Variants in FGF13 observed in about 807,000 individuals in gnomAD.
FGF13 encodes the protein fibroblast growth factor homologous factor 2.
FGF13 carries 2 observed loss-of-function variants against 19.5 expected under a neutral mutation model. The ratio of observed to expected loss-of-function variants is 0.10; its 90% CI spans 0.04 to 0.32. FGF13 has a LOEUF of 0.32. Ranked by LOEUF, FGF13 falls within the 10% of genes least tolerant of loss-of-function variation. The pLI, the probability that FGF13 is intolerant of heterozygous loss-of-function variation, is 1.00. For missense variants in FGF13, 113 were observed against 192.7 expected, an observed-to-expected ratio of 0.59 and a Z score of 2.45; for synonymous variants, 72 against 76.9, an observed-to-expected ratio of 0.94 and a Z score of 0.33.
intron 1 of FGF13, among the ~76,000 whole-genome samples, chrX:139,167,485 T>C (rs913485625): frequency 2.7e-5 from 3 of 111,940 alleles, no homozygotes; most frequent in Non-Finnish European, 3.8e-5. Context: ...ATATTAATGT[T>C]GGCAACATCT....
At chrX:139,044,348 A>G (rs1383847301) in intron 1 of FGF13, among the ~76,000 whole-genome samples, 1 of 111,147 alleles carries the variant, frequency 9.0e-6, no homozygotes, top group Non-Finnish European at 1.9e-5. Context: ...CACATGGCAA[A>G]AGCAGGAGCA....
intron 1 of FGF13, among the ~76,000 whole-genome samples, chrX:139,074,977 C>A (rs958552584): frequency 1.3e-5 from 1 of 74,416 alleles, no homozygotes; most frequent in Non-Finnish European, 3.1e-5. Flanking sequence ...ATGTGAAGCT[C>A]CATCAGTGAA....
chrX:139,122,692 T>C (rs764207775), intron 1 of FGF13, among the ~76,000 whole-genome samples: 26 of 111,481 alleles, frequency 2.3e-4, no homozygotes, highest in Non-Finnish European at 4.7e-4. Context: ...ATTACTCCCA[T>C]CCAAACCTTT....
At chrX:138,887,463 C>A (rs1034117065) in intron 1 of FGF13, among the ~76,000 whole-genome samples, 10 of 111,575 alleles carry the variant, frequency 9.0e-5, no homozygotes, top group African/African-American at 2.9e-4. Context: ...CAGGCCTCTT[C>A]CTTGTTGAGC....
intron 1 of FGF13, among the ~76,000 whole-genome samples, chrX:139,073,586 G>A (rs1334737260): frequency 9.0e-6 from 1 of 111,296 alleles, no homozygotes; most frequent in Non-Finnish European, 1.9e-5. Context: ...TTAGACAAAA[G>A]GATTCTTGCT....
chrX:138,939,942 G>A (rs776069922), intron 1 of FGF13, among the ~76,000 whole-genome samples: 46 of 111,682 alleles, frequency 4.1e-4, no homozygotes, highest in African/African-American at 1.3e-3. Flanking sequence ...CCCAACAATG[G>A]AATTGCTGGG....
chrX:139,056,095 C>G (rs1405362429), intron 1 of FGF13, among the ~76,000 whole-genome samples: 2 of 112,101 alleles, frequency 1.8e-5, no homozygotes, highest in East Asian at 5.6e-4. Context: ...CTGGGGAATC[C>G]CCAAAGCCTG....
upstream of FGF13, among the ~76,000 whole-genome samples, chrX:138,742,541 G>A (rs761181625): frequency 9.0e-6 from 1 of 110,683 alleles, no homozygotes; most frequent in East Asian, 2.9e-4. Context: ...ATACCCCGGA[G>A]GTCATGATCT....
At chrX:138,934,499 C>T (rs779468632) in intron 1 of FGF13, among the ~76,000 whole-genome samples, 3 of 112,568 alleles carry the variant, frequency 2.7e-5, no homozygotes, top group African/African-American at 9.7e-5. Context: ...AGCACAGTAA[C>T]AATTTGGCAT....
chrX:138,860,305 G>C (rs2091281883), intron 2 of FGF13, among the ~76,000 whole-genome samples: 1 of 111,265 alleles, frequency 9.0e-6, no homozygotes, highest in Non-Finnish European at 1.9e-5. Flanking sequence ...ACTTCCCACA[G>C]GACTCCAGCA....
chrX:138,950,445 A>T (rs139552744), intron 1 of FGF13, among the ~76,000 whole-genome samples: 24 of 111,777 alleles, frequency 2.1e-4, no homozygotes, highest in African/African-American at 7.8e-4. Context: ...ATATTCTCCA[A>T]TATTTATGTA....
Position 139,064,300 on chromosome X carries a change from T to C in FGF13, c.-113+139116A>G, listed in dbSNP as rs1221158946. ...TTTTTTCTTTTTTTTTTTTTTTTTT[T>C]TTTTTTTTTTTTTGAGACGGAGTCT... On this transcript the variant is annotated intron_variant, in intron 1 of 2. Coordinates refer to the FGF13 transcript ENST00000421460. 7.5e-3 allele frequency among the ~76,000 whole-genome samples: 386 copies of C among 51,372 alleles called. 55 individuals carry two copies. The highest frequency in any genetic ancestry group is 0.036 in the African/African-American group (369 of 10,249). 44.6% of individuals were successfully genotyped at this position (51,372 alleles called of 115,157 possible). A position where few individuals can be genotyped will look rare whatever the true frequency, so the allele number is the denominator to read the frequency against.
chrX:138,747,187 G>A (rs1013230727), intron 3 of FGF13, among the ~76,000 whole-genome samples: 11 of 111,750 alleles, frequency 9.8e-5, no homozygotes, highest in African/African-American at 3.6e-4. Context: ...AGGCAGCCCA[G>A]CCAAGATAGG....
At chrX:138,781,310 T>G (rs1311225270) in intron 3 of FGF13, among the ~76,000 whole-genome samples, 1 of 108,188 alleles carries the variant, frequency 9.2e-6, no homozygotes, top group South Asian at 4.0e-4. Context: ...AAGAAATAAC[T>G]AAAATCAGAG....
At chrX:138,981,414 G>T (rs752018942) in intron 1 of FGF13, among the ~76,000 whole-genome samples, 3 of 110,328 alleles carry the variant, frequency 2.7e-5, no homozygotes, top group Non-Finnish European at 5.7e-5. Flanking sequence ...TGAGAATCAG[G>T]GCTCTATATG....
At chrX:138,841,433 A>G (rs909246958) in intron 3 of FGF13, among the ~76,000 whole-genome samples, 2 of 111,634 alleles carry the variant, frequency 1.8e-5, no homozygotes, top group African/African-American at 6.5e-5. Context: ...GTCAGGAAAC[A>G]TAATAACAAA....
chrX:139,071,336 T>C (rs1329022705), intron 1 of FGF13, among the ~76,000 whole-genome samples: 1 of 111,951 alleles, frequency 8.9e-6, no homozygotes, highest in African/African-American at 3.2e-5. Flanking sequence ...TTATGTTTTA[T>C]TACCATCCTT....
intron 1 of FGF13, among the ~76,000 whole-genome samples, chrX:139,182,434 T>A (rs1453728596): frequency 8.9e-6 from 1 of 112,437 alleles, no homozygotes; most frequent in Non-Finnish European, 1.9e-5. Context: ...TTAAATAAAT[T>A]GAAGTGTCAT....
chrX:138,726,814 T>C (rs749715646), intron 1 of FGF13, among the ~76,000 whole-genome samples: 22 of 111,692 alleles, frequency 2.0e-4, no homozygotes, highest in South Asian at 7.5e-4. Context: ...ACTGATGAGG[T>C]AGGTACTGTT....
Sources: allele counts gnomAD v4.1 joint callset (sites outside exome capture counted in the v4.1 genomes callset), GRCh38; gene constraint gnomAD v4.1.1; transcripts MANE v1.5; gene names NCBI Gene and HGNC (gene_info 2026-07-23, HGNC 2026-07-21).